NUP58: variants seen among roughly 807,000 people sequenced by gnomAD.
The protein encoded by NUP58 is nucleoporin p58/p45.
NUP58 carries 17 observed loss-of-function variants against 70.1 expected under a neutral mutation model. The observed-to-expected ratio is 0.24, with a 90% confidence interval of 0.17 to 0.36. The LOEUF is 0.36. NUP58 is among the 10% of genes least tolerant of loss of function. The pLI is 1.00. For missense variants in NUP58, 644 were observed against 701.5 expected (o/e 0.92, Z 0.93); for synonymous variants, 275 against 257.6 (o/e 1.07, Z -0.65).
downstream of NUP58, among the ~76,000 whole-genome samples, chr13:25,344,618 T>C (rs893571150): frequency 3.3e-5 from 5 of 152,214 alleles, no homozygotes; most frequent in Admixed American, 6.5e-5. Flanking sequence ...CTTTAAAAAT[T>C]CTGAGATTTT....
Position 25,307,781 on chromosome 13 carries a change from TTTTG to T in NUP58, c.108-21_108-18del, listed in dbSNP as rs780487373. On this transcript the variant is annotated intron_variant, in intron 1 of 15. Transcript: ENST00000381736. Reference sequence around the variant, plus strand: ...CCTCCTTTTGTGCATGTGATTTTTGTTTTGTTTTTGTTTCTTTAAATAAGCAACC... The same window carrying T: ...CCTCCTTTTGTGCATGTGATTTTTGTTTTTTGTTTCTTTAAATAAGCAACC... 5 of 1,612,014 alleles carry T rather than the reference TTTTG, an allele frequency of 3.1e-6. No individual in the cohort carries two copies. In the African/African-American group the frequency reaches 5.4e-5, roughly 17 times the overall value.
downstream of NUP58, among the ~76,000 whole-genome samples, chr13:25,343,805 GTATATATA>G (rs59054918): frequency 1.5e-5 from 2 of 137,662 alleles, no homozygotes; most frequent in African/African-American, 2.7e-5. Flanking sequence ...ACATATATAT[GTATATATA>G]TATATATATA....
chr13:25,347,240 T>C (rs1199354341), downstream of NUP58, among the ~76,000 whole-genome samples: 1 of 152,194 alleles, frequency 6.6e-6, no homozygotes, highest in Non-Finnish European at 1.5e-5. Context: ...ATTCTCAACC[T>C]GTATTTGCAT....
intron 1 of NUP58, among the ~76,000 whole-genome samples, chr13:25,302,688 G>A (rs1593169976): frequency 6.6e-6 from 1 of 152,096 alleles, no homozygotes; most frequent in East Asian, 1.9e-4. Context: ...TAAAGTTAAG[G>A]AGTGTGCACA....
downstream of NUP58, among the ~76,000 whole-genome samples, chr13:25,343,805 GTA>G (rs59054918): frequency 0.45 from 61,972 of 137,336 alleles, 13,588 homozygotes; most frequent in Middle Eastern, 0.52. Context: ...ACATATATAT[GTA>G]TATATATATA....
At chr13:25,311,081 G>A (rs1566058529) in intron 3 of NUP58, among the ~76,000 whole-genome samples, 2 of 152,196 alleles carry the variant, frequency 1.3e-5, no homozygotes, top group African/African-American at 4.8e-5. Context: ...GAAGAAAACA[G>A]TATGGTTTAC....
At chr13:25,305,857 G>A (rs993354965) in intron 1 of NUP58, among the ~76,000 whole-genome samples, 12 of 152,052 alleles carry the variant, frequency 7.9e-5, no homozygotes, top group South Asian at 2.1e-4. Flanking sequence ...AGCTGATTAT[G>A]AAATTGAAGA....
At chr13:25,320,371 TTA>T (rs1476002951) in intron 7 of NUP58, 157 bp from the exon 8 acceptor site, 4 of 518,814 alleles carry the variant, frequency 7.7e-6, no homozygotes, top group Non-Finnish European at 6.8e-6. Flanking sequence ...TACAATAAAT[TTA>T]TGTTTTTTAT....
chr13:25,334,518 T>C, intron 13 of NUP58: 1 of 985,254 alleles, frequency 1.0e-6, no homozygotes, highest in Non-Finnish European at 1.2e-6. Context: ...CTTGTGGTTT[T>C]GTGATTTTGT....
intron 1 of NUP58, chr13:25,303,178 A>G (rs940713711): frequency 6.7e-6 from 3 of 445,932 alleles, no homozygotes; most frequent in African/African-American, 2.0e-5. Flanking sequence ...CAAAATTCCC[A>G]TTGCTCTCTC....
At chr13:25,338,947 G>T in intron 15 of NUP58, 1 of 342,678 alleles carries the variant, frequency 2.9e-6, no homozygotes, top group African/African-American at 2.1e-5. Flanking sequence ...AGACTTCTTA[G>T]TTTGATTTAA....
chr13:25,337,944 G>A (rs1017298392), intron 14 of NUP58, among the ~76,000 whole-genome samples: 8 of 152,280 alleles, frequency 5.3e-5, no homozygotes, highest in African/African-American at 1.9e-4. Context: ...TCTTAGGAGA[G>A]TGGAAACTAG....
rs1054245178 is a variant in NUP58 at position 25,349,591 on chromosome 13, C to T, written n.351C>T. ...CAAATCACAGGTTTTAACTGAATTT[C>T]GAAAACCCAGTGTTACAGAAACCAA... is the stretch of plus-strand genomic sequence containing the variant. On this transcript the variant is annotated non_coding_transcript_exon_variant, in exon 4 of 4. Coordinates refer to the NUP58 transcript ENST00000477876. The T allele has an allele frequency of 1.0e-4, 16 of 152,570 alleles. No homozygotes were observed. In the South Asian group the frequency reaches 1.2e-3, roughly 12 times the overall value. The allele number at this position is 152,570 out of a possible 1,614,324, so 9.5% of individuals were successfully genotyped here.
chr13:25,312,620 G>A (rs1169803290), intron 3 of NUP58, among the ~76,000 whole-genome samples: 2 of 152,154 alleles, frequency 1.3e-5, no homozygotes, highest in African/African-American at 4.8e-5. Context: ...TGCCCATCTT[G>A]GCCTCCCAAA....
At position 25,340,401 on chromosome 13, in the gene NUP58, A is replaced by G; in HGVS notation, c.*267A>G. On this transcript the variant is annotated 3_prime_UTR_variant, in exon 16 of 16. Coordinates refer to ENST00000381736, the MANE Select transcript of NUP58 (RefSeq NM_014089.4). The stretch of plus-strand genomic sequence containing the variant: ...ACATCACTGATTGGTAATGGTTAGA[A>G]ACCATTAACCTAAAACTTACTATTT... 6.9e-6 allele frequency: 2 copies of G among 288,482 alleles called. No individual in the cohort carries two copies. Among genetic ancestry groups the G allele is most frequent in the South Asian group, 1.6e-4 (2 of 12,148 alleles). The allele number at this position is 288,482 out of a possible 1,614,324, so 17.9% of individuals were successfully genotyped here.
At chr13:25,304,878 A>G (rs2030240089) in intron 1 of NUP58, among the ~76,000 whole-genome samples, 1 of 152,066 alleles carries the variant, frequency 6.6e-6, no homozygotes, top group African/African-American at 2.4e-5. Flanking sequence ...CCTACTCCAC[A>G]TTATACACAC....
chr13:25,331,499 C>T lies in NUP58; in HGVS notation c.1376C>T (p.Pro459Leu). The change falls in exon 13 of 16, where the codon CCA (proline) becomes CTA (leucine). Residue 459 changes from proline to leucine, a missense_variant. Pro to Leu is a moderately conservative substitution (Grantham distance 98). Transcript: ENST00000381736. Reference sequence around the variant, plus strand: ...GGACCCACTCCTTTCAGCACCATGCCAAACGCAGCAGCCGTTGCCATGGCT... The same window carrying T: ...GGACCCACTCCTTTCAGCACCATGCTAAACGCAGCAGCCGTTGCCATGGCT... ...TTGPTPFSTMPNAAAVAMAAT... is the reference protein window; with the variant it reads ...TTGPTPFSTMLNAAAVAMAAT... 1 of 1,614,104 alleles carries T rather than the reference C, an allele frequency of 6.2e-7. No individual in the cohort carries two copies. Among genetic ancestry groups the T allele is most frequent in the Non-Finnish European group, 8.5e-7 (1 of 1,180,024 alleles).
chr13:25,316,204 T>A (rs2137755547), intron 6 of NUP58, among the ~76,000 whole-genome samples: 1 of 152,310 alleles, frequency 6.6e-6, no homozygotes, highest in Admixed American at 6.5e-5. Context: ...GAAAATACCT[T>A]TCTTGCTGTG....
At chr13:25,332,789 T>A (rs1593198101) in intron 13 of NUP58, 1 of 985,366 alleles carries the variant, frequency 1.0e-6, no homozygotes, top group Middle Eastern at 5.2e-4. Flanking sequence ...AGGATTGCAT[T>A]GTTAAGTTAT....
Sources: allele counts gnomAD v4.1 joint callset (sites outside exome capture counted in the v4.1 genomes callset), GRCh38; gene constraint gnomAD v4.1.1; transcripts MANE v1.5; gene names NCBI Gene and HGNC (gene_info 2026-07-23, HGNC 2026-07-21).